The following KDM2B variants were observed in gnomAD, a reference collection of about 807,000 sequenced individuals.
KDM2B encodes the protein lysine-specific demethylase 2B.
A neutral mutation model predicts 150.0 loss-of-function variants in KDM2B; 26 were observed. That is an observed-to-expected ratio of 0.17 (90% CI 0.13 to 0.24). The LOEUF is 0.24. KDM2B is among the 10% of genes least tolerant of loss of function. The pLI is 1.00. For synonymous variants in KDM2B, 734 were observed against 729.5 expected, an observed-to-expected ratio of 1.01 and a Z score of -0.10; for missense variants, 1,265 against 1,816.9, an observed-to-expected ratio of 0.70 and a Z score of 5.52.
intron 12 of KDM2B, among the ~76,000 whole-genome samples, chr12:121,458,813 C>T (rs1555293331): frequency 6.7e-6 from 1 of 150,214 alleles, no homozygotes; most frequent in East Asian, 2.0e-4. Flanking sequence ...AAAGGCTGGG[C>T]AAGGTGGCTC....
intron 12 of KDM2B, among the ~76,000 whole-genome samples, chr12:121,465,506 T>TTA (rs1465601250): frequency 6.6e-6 from 1 of 152,202 alleles, no homozygotes; most frequent in Admixed American, 6.5e-5. Context: ...AGTGCTGGGA[T>TTA]TACAGGTGTG....
intron 4 of KDM2B, among the ~76,000 whole-genome samples, chr12:121,572,802 A>G (rs1555316171): frequency 6.8e-6 from 1 of 147,346 alleles, no homozygotes; most frequent in East Asian, 2.0e-4. Context: ...CTACAGACAC[A>G]CACCACCACA....
intron 1 of KDM2B, chr12:121,579,499 G>GCCGC (rs1555317503): frequency 6.8e-6 from 3 of 440,058 alleles, no homozygotes; most frequent in African/African-American, 6.4e-5. Flanking sequence ...AGCCGCCCCC[G>GCCGC]CCGCCCGCCC....
intron 11 of KDM2B, among the ~76,000 whole-genome samples, chr12:121,504,655 CCA>C (rs1263370948): frequency 1.3e-5 from 2 of 152,142 alleles, no homozygotes; most frequent in Non-Finnish European, 2.9e-5. Context: ...ATGGGACTGT[CCA>C]CAGTGATAAA....
At chr12:121,526,003 A>G (rs1474126286) in intron 8 of KDM2B, among the ~76,000 whole-genome samples, 1 of 152,142 alleles carries the variant, frequency 6.6e-6, no homozygotes, top group Non-Finnish European at 1.5e-5. Flanking sequence ...GATCTGTCTT[A>G]TGTCCCCTCC....
Position 121,494,605 on chromosome 12 carries a change from C to T in KDM2B, c.1708G>A (p.Val570Met), listed in dbSNP as rs1406737515. ...TTTGGAGTCTTCTTTGGCCAAGTCA[C>T]CACAGGGACCCCAGTGATGGCCAGA... Reference protein sequence around the residue: ...PSLAITGVPVVTWPKKTPKNR... With the variant: ...PSLAITGVPVMTWPKKTPKNR... The change falls in exon 12 of 23, where the codon GTG (valine) becomes ATG (methionine). Residue 570 changes from valine (V) to methionine (M), a missense_variant. This residue lies in a region of KDM2B where 69 missense variants were observed against 85.7 expected (regional missense o/e 0.81). Coordinates refer to ENST00000377071, the MANE Select transcript of KDM2B (RefSeq NM_032590.5). 1.9e-6 allele frequency: 3 copies of T among 1,613,484 alleles called. No homozygotes were observed. Among genetic ancestry groups the T allele is most frequent in the Non-Finnish European group, 2.5e-6 (3 of 1,179,812 alleles).
In KDM2B at chr12:121,495,055, T is replaced by C. The variant is rs1268914497; in HGVS notation, c.1648-390A>G. 3.3e-5 allele frequency among the ~76,000 whole-genome samples: 5 copies of C among 151,194 alleles called. No homozygotes were observed. In the East Asian group the frequency reaches 9.7e-4, roughly 29 times the overall value. Reference sequence around the variant, plus strand: ...CTCTGTCACCCAGGCCGGAGTGCAGTTGTATAATCATAGCTCACTACATCC... The same window carrying C: ...CTCTGTCACCCAGGCCGGAGTGCAGCTGTATAATCATAGCTCACTACATCC... On this transcript the variant is annotated intron_variant, in intron 11 of 22. Transcript: ENST00000377071.
At chr12:121,494,694 C>T in intron 11 of KDM2B, 29 bp from the exon 12 acceptor site, 6 of 1,570,808 alleles carry the variant, frequency 3.8e-6, no homozygotes, top group Non-Finnish European at 4.4e-6. Flanking sequence ...TCCATATTAG[C>T]CCAGGGGGAA....
chr12:121,444,906 G>C, intron 14 of KDM2B: 4 of 419,898 alleles, frequency 9.5e-6, no homozygotes, highest in Non-Finnish European at 1.8e-5. Context: ...GACTCTACTG[G>C]GTGCTGGGGG....
chr12:121,478,611 G>A (rs1018118618), intron 12 of KDM2B, among the ~76,000 whole-genome samples: 13 of 150,756 alleles, frequency 8.6e-5, no homozygotes, highest in Middle Eastern at 3.5e-3. Context: ...CACCCGCCTC[G>A]GCCTCCCAAA....
downstream of KDM2B, among the ~76,000 whole-genome samples, chr12:121,425,286 C>T (rs946473924): frequency 5.2e-4 from 67 of 127,890 alleles, no homozygotes; most frequent in African/African-American, 1.6e-3. Context: ...CCAGGCTGGG[C>T]GACGAGCGAA....
chr12:121,511,879 C>T (rs1284632924), intron 10 of KDM2B, among the ~76,000 whole-genome samples: 4 of 152,208 alleles, frequency 2.6e-5, no homozygotes, highest in African/African-American at 7.2e-5. Context: ...GGGTGTCTCC[C>T]TCACGTTGCC....
At chr12:121,417,864 G>A in the KDM2B span, 2 of 1,614,120 alleles carry the variant, frequency 1.2e-6, no homozygotes, top group African/African-American at 2.7e-5. This position sits in a 1 kb window ranked among gnomAD's most constrained non-coding sequence, Gnocchi z 5.0. Flanking sequence ...GTTTCAGGGA[G>A]AGCTTATGGA....
chr12:121,511,323 G>C (rs1555303977), intron 10 of KDM2B, among the ~76,000 whole-genome samples: 1 of 103,932 alleles, frequency 9.6e-6, no homozygotes, highest in Non-Finnish European at 1.8e-5. Flanking sequence ...GTCTCACTTT[G>C]TTGGCCAGAC....
intron 4 of KDM2B, among the ~76,000 whole-genome samples, chr12:121,554,033 C>CCACACACACACACACACACACACA (rs56659514): frequency 8.2e-6 from 1 of 122,064 alleles, no homozygotes; most frequent in Admixed American, 9.0e-5. Flanking sequence ...CACCCCAGCT[C>CCACACACACACACACACACACACA]CACACACACA....
chr12:121,453,044 C>T lies in KDM2B; in HGVS notation c.1959+76G>A, dbSNP rs1350900705. 4 of 1,287,742 alleles carry T rather than the reference C, an allele frequency of 3.1e-6. No homozygotes were observed. The highest frequency in any genetic ancestry group is 1.5e-5 in the African/African-American group (1 of 67,288). The allele number at this position is 1,287,742 out of a possible 1,614,324, so 79.8% of individuals were successfully genotyped here. On this transcript the variant is annotated intron_variant, in intron 13 of 22. Coordinates refer to ENST00000377071, the MANE Select transcript of KDM2B (RefSeq NM_032590.5). This position sits in a 1 kb window ranked among gnomAD's most constrained non-coding sequence, Gnocchi z 6.4. Reference sequence around the variant, plus strand: ...TCTGTGTGCGGAGGGGCGGCCAGAGCGAGCAGCGGTCAGACACGCGGGCCG... The same window carrying T: ...TCTGTGTGCGGAGGGGCGGCCAGAGTGAGCAGCGGTCAGACACGCGGGCCG...
chr12:121,432,814 C>G (rs564537898), intron 22 of KDM2B, among the ~76,000 whole-genome samples: 1 of 152,364 alleles, frequency 6.6e-6, no homozygotes, highest in East Asian at 1.9e-4. Context: ...ACTCCATCAC[C>G]AGCTCAGGGA....
intron 8 of KDM2B, among the ~76,000 whole-genome samples, chr12:121,530,703 C>T (rs1272906241): frequency 2.0e-5 from 3 of 152,098 alleles, no homozygotes; most frequent in Non-Finnish European, 2.9e-5. Flanking sequence ...TGCACATTTC[C>T]TCTTCCTGCC....
At chr12:121,560,646 T>C (rs1166688677) in intron 4 of KDM2B, among the ~76,000 whole-genome samples, 2 of 128,456 alleles carry the variant, frequency 1.6e-5, no homozygotes, top group Non-Finnish European at 3.3e-5. Flanking sequence ...GCAGGGGCAG[T>C]GGGGGCAGAG....
Sources: allele counts gnomAD v4.1 joint callset (sites outside exome capture counted in the v4.1 genomes callset), GRCh38; gene constraint gnomAD v4.1.1; regional missense constraint gnomAD v4.1.1; non-coding constraint Gnocchi (gnomAD v3.1); transcripts MANE v1.5; gene names NCBI Gene and HGNC (gene_info 2026-07-23, HGNC 2026-07-21).